SIM2: variants seen among roughly 807,000 people sequenced by gnomAD.
SIM2 encodes the protein single-minded homolog 2.
Under a neutral mutation model 64.8 loss-of-function variants are expected in SIM2, and 28 were observed. The observed-to-expected ratio is 0.43, with a 90% CI of 0.32 to 0.59. The LOEUF (loss-of-function observed/expected upper bound fraction) is 0.59. Among genes scored for constraint, SIM2 ranks in the 20% least tolerant of loss-of-function variants. The pLI, the probability that SIM2 is intolerant of heterozygous loss-of-function variation, is 0.07. For synonymous variants in SIM2, 408 were observed against 391.1 expected, an observed-to-expected ratio of 1.04 and a Z score of -0.51; for missense variants, 847 against 871.4, an observed-to-expected ratio of 0.97 and a Z score of 0.35.
intron 7 of SIM2, among the ~76,000 whole-genome samples, chr21:36,733,704 C>G (rs773907959): frequency 2.0e-5 from 3 of 151,904 alleles, no homozygotes; most frequent in Non-Finnish European, 2.9e-5. Flanking sequence ...GGACTACAGG[C>G]GCCCGCCAGC....
chr21:36,731,511 G>A (rs751267841), intron 7 of SIM2, among the ~76,000 whole-genome samples: 1 of 152,188 alleles, frequency 6.6e-6, no homozygotes, highest in Non-Finnish European at 1.5e-5. Flanking sequence ...CGGGCACTAA[G>A]TTTAAGTGAC....
At position 36,744,945 on chromosome 21, in the gene SIM2, C is replaced by T. The variant is rs781341610; in HGVS notation, c.1385C>T (p.Pro462Leu). Reference sequence around the variant, plus strand: ...TTCAGCAGCAAAAAGCCAATGTTGCCGGCCAAGTTCGGGCAGCCCCAAGGA... The same window carrying T: ...TTCAGCAGCAAAAAGCCAATGTTGCTGGCCAAGTTCGGGCAGCCCCAAGGA... Reference protein sequence around the residue: ...HVFSSKKPMLPAKFGQPQGSP... With the variant: ...HVFSSKKPMLLAKFGQPQGSP... The change falls in exon 10 of 11, where the codon CCG (proline) becomes CTG (leucine). Residue 462 changes from proline (P) to leucine (L), a missense_variant. Physicochemically the swap from Pro to Leu is moderately conservative, Grantham distance 98. Coordinates refer to ENST00000290399, the MANE Select transcript of SIM2 (RefSeq NM_005069.6). The T allele has an allele frequency of 5.0e-5, 80 of 1,614,138 alleles. No individual in the cohort carries two copies. The East Asian group carries it at 1.4e-3, about 28-fold the overall frequency.
chr21:36,737,235 C>T (rs1468703676), intron 7 of SIM2, among the ~76,000 whole-genome samples: 1 of 152,220 alleles, frequency 6.6e-6, no homozygotes, highest in Non-Finnish European at 1.5e-5. Flanking sequence ...GGCCCCAGAA[C>T]ATTCTGTAAA....
intron 3 of SIM2, among the ~76,000 whole-genome samples, chr21:36,714,645 G>A (rs2088720379): frequency 6.6e-6 from 1 of 152,180 alleles, no homozygotes; most frequent in Admixed American, 6.5e-5. Context: ...TCCTATTAGG[G>A]CTGCTTGGTC....
chr21:36,735,945 C>T (rs1474374675), intron 7 of SIM2, among the ~76,000 whole-genome samples: 3 of 152,172 alleles, frequency 2.0e-5, no homozygotes, highest in Admixed American at 1.3e-4. Context: ...GGCAGTGAGG[C>T]CAGACTTCCT....
At chr21:36,704,574 G>A (rs1211169209) in intron 1 of SIM2, among the ~76,000 whole-genome samples, 1 of 152,214 alleles carries the variant, frequency 6.6e-6, no homozygotes, top group Non-Finnish European at 1.5e-5. Flanking sequence ...TTCAGCGCGG[G>A]GCTAGAGGAG....
At chr21:36,719,765 C>T in intron 3 of SIM2, 56 bp from the exon 4 acceptor site, 5 of 1,052,742 alleles carry the variant, frequency 4.7e-6, no homozygotes, top group Non-Finnish European at 7.5e-6. Flanking sequence ...TTGCCCCTCC[C>T]CCTGCGCCAA....
rs1385141132 is a variant in SIM2, at chr21:36,710,292, A to G, written c.258+1042A>G. The G allele has an allele frequency of 2.0e-5, 3 of 152,242 alleles. No homozygotes were observed. In the East Asian group the frequency reaches 5.8e-4, roughly 29 times the overall value. 9.4% of individuals were successfully genotyped at this position (152,242 alleles called of 1,614,324 possible). ...CCGGGCTCTTGCTTGGTTTGGAGCC[A>G]GGTGCTTAGCGCCCCGAGCCCGGGG... is the stretch of plus-strand genomic sequence containing the variant. On this transcript the variant is annotated intron_variant, in intron 2 of 10. Transcript: ENST00000290399.
At chr21:36,701,745 A>G (rs1330950117) in intron 1 of SIM2, among the ~76,000 whole-genome samples, 2 of 151,970 alleles carry the variant, frequency 1.3e-5, no homozygotes, top group Non-Finnish European at 2.9e-5. Flanking sequence ...GGATGATTCC[A>G]CTCCGGTTGA....
intron 9 of SIM2, among the ~76,000 whole-genome samples, chr21:36,744,311 CAAAAAAAA>C (rs60354140): frequency 1.9e-4 from 8 of 41,790 alleles, no homozygotes; most frequent in South Asian, 1.1e-3. Context: ...CACATTATGA[CAAAAAAAA>C]AAAAAAAAAG....
chr21:36,703,556 T>C (rs1164268963), intron 1 of SIM2, among the ~76,000 whole-genome samples: 2 of 152,228 alleles, frequency 1.3e-5, no homozygotes, highest in Non-Finnish European at 2.9e-5. Flanking sequence ...TGAAGACCCC[T>C]GCTTTCTGGG....
chr21:36,719,718 G>T, intron 3 of SIM2, 103 bp from the exon 4 acceptor site: 4 of 724,400 alleles, frequency 5.5e-6, no homozygotes, highest in South Asian at 1.5e-5. Context: ...AGAGATCAAA[G>T]TTCTGTTCCT....
At chr21:36,723,315 T>A (rs2088848926) in intron 5 of SIM2, among the ~76,000 whole-genome samples, 185 bp downstream of exon 5, 1 of 152,156 alleles carries the variant, frequency 6.6e-6, no homozygotes, top group African/African-American at 2.4e-5. Flanking sequence ...TAGGAGGATG[T>A]TCCAGCTGGC....
chr21:36,710,818 G>A (rs1343981631), intron 2 of SIM2, among the ~76,000 whole-genome samples: 7 of 152,208 alleles, frequency 4.6e-5, no homozygotes, highest in African/African-American at 1.7e-4. Flanking sequence ...TGGCCGCGGC[G>A]AGTAATGGCG....
At chr21:36,718,460 CTAAAAA>C (rs2088775103) in intron 3 of SIM2, among the ~76,000 whole-genome samples, 1 of 152,286 alleles carries the variant, frequency 6.6e-6, no homozygotes, top group Admixed American at 6.5e-5. Flanking sequence ...CAAGACACAC[CTAAAAA>C]TAACAAGGGG....
intron 8 of SIM2, among the ~76,000 whole-genome samples, chr21:36,742,406 T>C (rs1196027366): frequency 6.6e-6 from 1 of 151,734 alleles, no homozygotes; most frequent in Non-Finnish European, 1.5e-5. Context: ...ATGCCTTTTT[T>C]TTTTTGTAAA....
chr21:36,716,921 C>T (rs897286491), intron 3 of SIM2, among the ~76,000 whole-genome samples: 1 of 151,388 alleles, frequency 6.6e-6, no homozygotes, highest in Admixed American at 6.6e-5. Context: ...TGGATAGATA[C>T]GTAAATACAG....
chr21:36,728,032 C>T (rs1251548190), intron 6 of SIM2, among the ~76,000 whole-genome samples: 1 of 152,136 alleles, frequency 6.6e-6, no homozygotes, highest in Non-Finnish European at 1.5e-5. Flanking sequence ...AAGCTGCCAG[C>T]ACCTCTGGGG....
Position 36,747,900 on chromosome 21 carries a change from C to T in SIM2, c.1812C>T (p.Arg604=). The change falls in exon 11 of 11, where the codon CGC becomes CGT. Residue 604 remains arginine (R), a synonymous_variant. Transcript: ENST00000290399. This position sits in a 1 kb window ranked among gnomAD's most constrained non-coding sequence, Gnocchi z 4.5. ...CCTTCGTGCTGCTCAACTACCACCG[C>T]GTGCTGGCCCGGCGCGGACCGCTGG... is the stretch of plus-strand genomic sequence containing the variant. ...QLPFVLLNYH[R]VLARRGPLGG... 1 of 1,068,934 alleles carries T rather than the reference C, an allele frequency of 9.4e-7. No homozygotes were observed. The highest frequency in any genetic ancestry group is 1.1e-6 in the Non-Finnish European group (1 of 876,196). The allele number at this position is 1,068,934 out of a possible 1,614,324, so 66.2% of individuals were successfully genotyped here.
Sources: allele counts gnomAD v4.1 joint callset (sites outside exome capture counted in the v4.1 genomes callset), GRCh38; gene constraint gnomAD v4.1.1; non-coding constraint Gnocchi (gnomAD v3.1); transcripts MANE v1.5; gene names NCBI Gene and HGNC (gene_info 2026-07-23, HGNC 2026-07-21).